Variants in COX10 observed in about 807,000 individuals in gnomAD.
COX10 encodes cytochrome c oxidase assembly factor heme A:farnesyltransferase COX10.
A neutral mutation model predicts 37.3 loss-of-function variants in COX10; 27 were observed. That is an observed-to-expected ratio of 0.72 (90% CI 0.53 to 1.00). COX10 has a LOEUF of 1.00. COX10 is among the 50% of genes least tolerant of loss of function. The probability of loss-of-function intolerance (pLI) is 0.00; values close to 1 mark genes in which losing one functional copy is unlikely to be tolerated. For synonymous variants in COX10, 222 were observed against 229.1 expected (o/e 0.97, Z 0.28); for missense variants, 475 against 563.2 (o/e 0.84, Z 1.59).
At chr17:14,163,366 T>G (rs1318353915) in intron 5 of COX10, among the ~76,000 whole-genome samples, 1 of 151,952 alleles carries the variant, frequency 6.6e-6, no homozygotes, top group Non-Finnish European at 1.5e-5. Context: ...GCGATTCTCC[T>G]CCCTCAGCCT....
chr17:14,127,056 G>T (rs969914962), intron 4 of COX10, among the ~76,000 whole-genome samples: 36 of 151,918 alleles, frequency 2.4e-4, no homozygotes, highest in African/African-American at 8.5e-4. Flanking sequence ...TTTAATCTTT[G>T]AACTATAAAC....
intron 4 of COX10, among the ~76,000 whole-genome samples, chr17:14,112,886 G>T (rs772517011): frequency 1.3e-4 from 20 of 152,132 alleles, no homozygotes; most frequent in Non-Finnish European, 2.6e-4. Context: ...GAGACATTTG[G>T]CTAAAGAAGC....
chr17:14,203,843 T>C (rs948150511), intron 6 of COX10, among the ~76,000 whole-genome samples: 5 of 152,172 alleles, frequency 3.3e-5, no homozygotes, highest in Non-Finnish European at 7.4e-5. Flanking sequence ...TTACCTGAAA[T>C]AGGACTGTGG....
At chr17:14,182,253 T>A (rs980928834) in intron 5 of COX10, 1 of 742,650 alleles carries the variant, frequency 1.3e-6, no homozygotes, top group African/African-American at 2.0e-5. Flanking sequence ...TGGGACCCCA[T>A]TTCTTAAAAT....
chr17:14,160,090 AC>A (rs1219639711), intron 5 of COX10, 143 bp downstream of exon 5: 5 of 763,568 alleles, frequency 6.5e-6, no homozygotes, highest in Non-Finnish European at 8.9e-6. Context: ...GAAATGCAAT[AC>A]TTTCCACCTC....
chr17:14,151,360 G>A (rs888017930), intron 4 of COX10, among the ~76,000 whole-genome samples: 18 of 152,044 alleles, frequency 1.2e-4, no homozygotes, highest in African/African-American at 3.9e-4. Flanking sequence ...TTGCTTGTCC[G>A]GCAAAATTTA....
rs563985851 is a variant in COX10 at position 14,148,838 on chromosome 17, G to A, written c.625-11039G>A. Among the ~76,000 whole-genome samples, 136 of 151,398 alleles carry A rather than the reference G, an allele frequency of 9.0e-4. 1 individual carries two copies. The highest frequency in any genetic ancestry group is 1.8e-3 in the Non-Finnish European group (120 of 67,846). ...ATAGTATCATAAGTATATATTGTCT[G>A]TTAGGAAGATTAATAAGTGTATTTT... On this transcript the variant is annotated intron_variant, in intron 4 of 6. Coordinates refer to ENST00000261643, the MANE Select transcript of COX10 (RefSeq NM_001303.4).
chr17:14,077,354 G>A, intron 3 of COX10: 1 of 361,298 alleles, frequency 2.8e-6, no homozygotes, highest in Middle Eastern at 8.8e-4. Flanking sequence ...TACACCTGCT[G>A]TAAAAATGCA....
intron 4 of COX10, among the ~76,000 whole-genome samples, chr17:14,141,197 C>T (rs1306217728): frequency 6.6e-6 from 1 of 152,012 alleles, no homozygotes; most frequent in Non-Finnish European, 1.5e-5. Context: ...AATTTCCACT[C>T]CTCCTCCCCA....
In COX10 at chr17:14,207,140, C is replaced by CGCT. The variant is rs1443529195; in HGVS notation, c.1272_1274dup (p.Leu425dup). The CGCT allele has an allele frequency of 7.4e-6, 12 of 1,613,216 alleles. No homozygotes were observed. In the Admixed American group the frequency reaches 1.3e-4, roughly 18 times the overall value. ...TTCTTCTGCAGCCTGTGGCACCTGC[C>CGCT]GCTGCTGCTGCTGCTCATGCTCACC... On this transcript the variant is annotated inframe_insertion, in exon 7 of 7. Transcript: ENST00000261643.
chr17:14,154,685 G>A (rs1301179558), intron 4 of COX10, among the ~76,000 whole-genome samples: 2 of 152,192 alleles, frequency 1.3e-5, no homozygotes, highest in African/African-American at 2.4e-5. Flanking sequence ...TGAGAAATGA[G>A]CAGAAGTGCA....
At chr17:14,107,437 C>G (rs1170780609) in intron 4 of COX10, among the ~76,000 whole-genome samples, 1 of 144,638 alleles carries the variant, frequency 6.9e-6, no homozygotes, top group Non-Finnish European at 1.5e-5. Flanking sequence ...TCTTGCTATT[C>G]ATAGCCCACC....
chr17:14,102,043 G>GT (rs1341823552), intron 3 of COX10, 75 bp from the exon 4 acceptor site: 23 of 1,588,344 alleles, frequency 1.4e-5, no homozygotes, highest in African/African-American at 2.7e-5. Context: ...AGGATGGCTT[G>GT]TTTTTTGTCG....
At chr17:14,195,723 A>C (rs561616415) in intron 6 of COX10, among the ~76,000 whole-genome samples, 2 of 152,322 alleles carry the variant, frequency 1.3e-5, no homozygotes, top group South Asian at 4.1e-4. Context: ...ACTAACACAA[A>C]GATTCCTGGG....
At chr17:14,125,255 C>T (rs766930750) in intron 4 of COX10, among the ~76,000 whole-genome samples, 12 of 152,162 alleles carry the variant, frequency 7.9e-5, no homozygotes, top group Middle Eastern at 3.4e-3. Context: ...TGATAGGAAG[C>T]GACAGCATGC....
chr17:14,128,929 C>T (rs1334672492), intron 4 of COX10, among the ~76,000 whole-genome samples: 1 of 152,252 alleles, frequency 6.6e-6, no homozygotes, highest in East Asian at 1.9e-4. Flanking sequence ...CCACTGCAAC[C>T]TCTGCCTCCT....
chr17:14,202,223 CT>C (rs66479644), intron 6 of COX10, among the ~76,000 whole-genome samples: 347 of 140,016 alleles, frequency 2.5e-3, no homozygotes, highest in African/African-American at 6.4e-3. Context: ...GTGGCAACAA[CT>C]TTTTTTTTTT....
intron 4 of COX10, among the ~76,000 whole-genome samples, chr17:14,139,751 C>T (rs1053947067): frequency 6.6e-6 from 1 of 152,008 alleles, no homozygotes; most frequent in Non-Finnish European, 1.5e-5. Context: ...ATTTAGTATC[C>T]AAAATTGTTT....
chr17:14,119,338 T>G (rs910817957), intron 4 of COX10, among the ~76,000 whole-genome samples: 2 of 152,148 alleles, frequency 1.3e-5, no homozygotes, highest in Non-Finnish European at 2.9e-5. Flanking sequence ...TTTATGCCTT[T>G]ATTAAAGCAA....
Sources: gnomAD v4.1 joint callset for allele counts (sites outside exome capture counted in the v4.1 genomes callset) on GRCh38, gnomAD v4.1.1 for gene constraint, MANE v1.5 for transcripts, NCBI Gene and HGNC (gene_info 2026-07-23, HGNC 2026-07-21) for gene names.